Variants in GRID1 observed in about 807,000 individuals in gnomAD.
GRID1 encodes glutamate receptor ionotropic, delta-1.
In GRID1, 28 loss-of-function variants were observed where a neutral mutation model predicts 98.0. The ratio of observed to expected loss-of-function variants is 0.29; its 90% CI spans 0.21 to 0.39. The LOEUF (loss-of-function observed/expected upper bound fraction) is 0.39. Ranked by LOEUF, GRID1 falls within the 10% of genes least tolerant of loss-of-function variation. The pLI is 1.00. For synonymous variants in GRID1, 553 were observed against 538.5 expected (o/e 1.03, Z -0.37); for missense variants, 1,111 against 1,340.5 (o/e 0.83, Z 2.67).
At chr10:86,204,296 T>C (rs1405768598) in intron 3 of GRID1, among the ~76,000 whole-genome samples, 1 of 152,136 alleles carries the variant, frequency 6.6e-6, no homozygotes, top group East Asian at 1.9e-4. Flanking sequence ...GAGGGGCTAC[T>C]CTATGCCAGG....
chr10:85,957,542 G>A (rs1842210971), intron 4 of GRID1, among the ~76,000 whole-genome samples: 1 of 152,154 alleles, frequency 6.6e-6, no homozygotes, highest in African/African-American at 2.4e-5. Flanking sequence ...AGGGCAAGAT[G>A]GAACTCCCCA....
chr10:85,612,709 G>A (rs1394436246), intron 15 of GRID1, among the ~76,000 whole-genome samples: 3 of 151,810 alleles, frequency 2.0e-5, no homozygotes, highest in Non-Finnish European at 2.9e-5. Context: ...GGTCTCCGGG[G>A]GACCTTGGTG....
chr10:86,066,662 T>C (rs991390679), intron 4 of GRID1, among the ~76,000 whole-genome samples: 1 of 152,216 alleles, frequency 6.6e-6, no homozygotes, highest in Admixed American at 6.5e-5. Context: ...TGATGTGATA[T>C]AATGTGATAT....
chr10:86,281,000 T>C (rs1847349644), intron 2 of GRID1, among the ~76,000 whole-genome samples: 1 of 152,236 alleles, frequency 6.6e-6, no homozygotes, highest in Admixed American at 6.5e-5. Flanking sequence ...ACCCTTCCTC[T>C]GAACCTCGCC....
chr10:86,188,747 A>G (rs1433150170), intron 3 of GRID1, among the ~76,000 whole-genome samples: 1 of 152,156 alleles, frequency 6.6e-6, no homozygotes, highest in African/African-American at 2.4e-5. Context: ...CAGAACCCCA[A>G]ATGTGCTAGG....
At chr10:85,727,832 C>T in intron 10 of GRID1, 23 bp downstream of exon 10, 2 of 1,586,230 alleles carry the variant, frequency 1.3e-6, no homozygotes, top group Non-Finnish European at 1.7e-6. Context: ...GCCCCTCCCC[C>T]TGGATCTGCT....
At chr10:86,284,516 C>T (rs2132070307) in intron 2 of GRID1, among the ~76,000 whole-genome samples, 1 of 152,372 alleles carries the variant, frequency 6.6e-6, no homozygotes, top group African/African-American at 2.4e-5. Context: ...TCCACCACTG[C>T]TGAGCTGGGG....
intron 4 of GRID1, among the ~76,000 whole-genome samples, chr10:86,057,111 G>A (rs1333458825): frequency 6.6e-6 from 1 of 152,200 alleles, no homozygotes; most frequent in Non-Finnish European, 1.5e-5. Flanking sequence ...GAGTGGAGAG[G>A]ACTCTACAGA....
chr10:85,602,774 T>A, intron 15 of GRID1, 73 bp from the exon 16 acceptor site: 1 of 1,130,634 alleles, frequency 8.8e-7, no homozygotes, highest in Non-Finnish European at 1.3e-6. Context: ...CAGCTCTGGA[T>A]GTCTGTAGTC....
At chr10:86,295,298 TGAA>T (rs1361128674) in intron 2 of GRID1, among the ~76,000 whole-genome samples, 1 of 151,944 alleles carries the variant, frequency 6.6e-6, no homozygotes, top group Non-Finnish European at 1.5e-5. Flanking sequence ...AACTTGATGA[TGAA>T]GGAGAGGAGG....
At chr10:86,344,065 C>T (rs1848348174) in intron 2 of GRID1, among the ~76,000 whole-genome samples, 1 of 152,234 alleles carries the variant, frequency 6.6e-6, no homozygotes, top group African/African-American at 2.4e-5. Flanking sequence ...TTAGAGAATA[C>T]CAGTGCCTGG....
intron 12 of GRID1, among the ~76,000 whole-genome samples, chr10:85,678,875 C>T (rs924734009): frequency 6.6e-6 from 1 of 152,122 alleles, no homozygotes; most frequent in Non-Finnish European, 1.5e-5. Flanking sequence ...ATTTAAATTG[C>T]ACCCTGAGCA....
chr10:85,852,423 C>G (rs557342641), intron 8 of GRID1, among the ~76,000 whole-genome samples: 1 of 152,210 alleles, frequency 6.6e-6, no homozygotes, highest in South Asian at 2.1e-4. Context: ...AGTGCCTCCC[C>G]CTCTCTCAGG....
In GRID1 at chr10:86,072,743, C is replaced by A. The variant is rs372290288; in HGVS notation, c.726+66076G>T. ...CCCCACCCCTTTCCACGGTCTCAGACCTAACTCTACACCAAGGAGATAGTA... is the reference window on the plus strand; with the variant it reads ...CCCCACCCCTTTCCACGGTCTCAGAACTAACTCTACACCAAGGAGATAGTA... On this transcript the variant is annotated intron_variant, in intron 4 of 15. Transcript: ENST00000327946. 9.2e-5 allele frequency among the ~76,000 whole-genome samples: 14 copies of A among 152,312 alleles called. No individual in the cohort carries two copies. The East Asian group carries it at 2.7e-3, about 29-fold the overall frequency.
intron 5 of GRID1, among the ~76,000 whole-genome samples, chr10:85,900,295 C>T (rs1841362710): frequency 6.6e-6 from 1 of 152,176 alleles, no homozygotes; most frequent in African/African-American, 2.4e-5. Context: ...AATGATTATC[C>T]AGACTGGCGA....
At chr10:86,303,781 T>C (rs960022488) in intron 2 of GRID1, among the ~76,000 whole-genome samples, 1 of 152,224 alleles carries the variant, frequency 6.6e-6, no homozygotes, top group East Asian at 1.9e-4. Context: ...CTGAATCTCT[T>C]CTGGGCACTC....
chr10:86,046,798 T>A (rs918957439), intron 4 of GRID1, among the ~76,000 whole-genome samples: 1 of 149,684 alleles, frequency 6.7e-6, no homozygotes, highest in African/African-American at 2.5e-5. Context: ...TTATGTGCAA[T>A]CTCTTTACAT....
chr10:86,046,454 CACTTGGGGCTT>C (rs1436957608), intron 4 of GRID1, among the ~76,000 whole-genome samples: 1 of 152,186 alleles, frequency 6.6e-6, no homozygotes, highest in African/African-American at 2.4e-5. Flanking sequence ...AGCTAAGCCC[CACTTGGGGCTT>C]GCCTGCCCTA....
rs531838412 is a variant in GRID1 at position 85,914,230 on chromosome 10, GA to G, written c.780+1955del. The stretch of plus-strand genomic sequence containing the variant: ...CCCTGAGGGTGGGTGGGGATTTGGA[GA>G]AAGAAAAGAAAACAGGTTAGGAATG... On this transcript the variant is annotated intron_variant, in intron 5 of 15. Transcript: ENST00000327946. 1.9e-3 allele frequency among the ~76,000 whole-genome samples: 284 copies of G among 152,284 alleles called. 1 individual carries two copies. The highest frequency in any genetic ancestry group is 5.5e-3 in the African/African-American group (228 of 41,564).
Sources: gnomAD v4.1 joint callset for allele counts (sites outside exome capture counted in the v4.1 genomes callset) on GRCh38, gnomAD v4.1.1 for gene constraint, MANE v1.5 for transcripts, NCBI Gene and HGNC (gene_info 2026-07-23, HGNC 2026-07-21) for gene names.